Variants in FLT3 observed in about 807,000 individuals in gnomAD.
FLT3 encodes receptor-type tyrosine-protein kinase FLT3.
In FLT3, 46 loss-of-function variants were observed where a neutral mutation model predicts 126.6. The ratio of observed to expected loss-of-function variants is 0.36; its 90% CI spans 0.29 to 0.46. The LOEUF (loss-of-function observed/expected upper bound fraction) is 0.46. FLT3 is among the 20% of genes least tolerant of loss of function. The pLI, the probability that FLT3 is intolerant of heterozygous loss-of-function variation, is 1.00. For missense variants in FLT3, 1,069 were observed against 1,190.3 expected (o/e 0.90, Z 1.50); for synonymous variants, 404 against 434.4 (o/e 0.93, Z 0.87).
At position 28,034,418 on chromosome 13, in the gene FLT3, A is replaced by C; in HGVS notation, c.1598-11T>G. ...TGAAAGGGAAGGGGCCTGCAACAAAAGAGTGTCACTCAGCGATGAAACAGA... is the reference window on the plus strand; with the variant it reads ...TGAAAGGGAAGGGGCCTGCAACAAACGAGTGTCACTCAGCGATGAAACAGA... On this transcript the variant is annotated splice_polypyrimidine_tract_variant and intron_variant, in intron 12 of 23. Transcript: ENST00000241453. The C allele has an allele frequency of 6.3e-7, 1 of 1,577,852 alleles. No individual in the cohort carries two copies. Among genetic ancestry groups the C allele is most frequent in the Non-Finnish European group, 8.7e-7 (1 of 1,147,432 alleles).
intron 1 of FLT3, among the ~76,000 whole-genome samples, chr13:28,082,301 C>T (rs11840250): frequency 6.6e-6 from 1 of 151,880 alleles, no homozygotes. Context: ...CATGCACATA[C>T]CACCACACTC....
intron 22 of FLT3, among the ~76,000 whole-genome samples, chr13:28,014,830 G>A (rs1233774801): frequency 6.6e-6 from 1 of 152,170 alleles, no homozygotes; most frequent in Non-Finnish European, 1.5e-5. Flanking sequence ...GGAAGCAGGT[G>A]CCTCTGAGGA....
chr13:28,022,787 C>T (rs1275245125), intron 19 of FLT3, among the ~76,000 whole-genome samples: 1 of 152,112 alleles, frequency 6.6e-6, no homozygotes, highest in African/African-American at 2.4e-5. Context: ...GGTGGAAAGG[C>T]AGTTCAAAAA....
In FLT3 at chr13:28,048,261, C is replaced by T; in HGVS notation, c.1205+14G>A. 1 of 1,604,320 alleles carries T rather than the reference C, an allele frequency of 6.2e-7. No homozygotes were observed. Among genetic ancestry groups the T allele is most frequent in the South Asian group, 1.1e-5 (1 of 89,172 alleles). ...ATGCTAAAAATGGTATCTTAGAGTC[C>T]TTTGTGGTCTCACCTGTATCCGTTA... On this transcript the variant is annotated intron_variant, in intron 9 of 23. Transcript: ENST00000241453.
chr13:28,007,531 G>A (rs1566051895), intron 23 of FLT3, among the ~76,000 whole-genome samples: 1 of 152,290 alleles, frequency 6.6e-6, no homozygotes, highest in East Asian at 1.9e-4. Flanking sequence ...ACAGGCGTGA[G>A]CCACCACACC....
At chr13:28,026,953 T>A in intron 17 of FLT3, 135 bp downstream of exon 17, 1 of 725,072 alleles carries the variant, frequency 1.4e-6, no homozygotes. Context: ...TAGCAAAGAT[T>A]CAGGAAATCT....
chr13:28,036,440 G>A (rs1364791559), intron 10 of FLT3, among the ~76,000 whole-genome samples: 2 of 152,138 alleles, frequency 1.3e-5, no homozygotes, highest in African/African-American at 2.4e-5. Flanking sequence ...GAGAGCTGAG[G>A]TACAGACCTC....
intron 9 of FLT3, among the ~76,000 whole-genome samples, chr13:28,041,906 A>C (rs2137702127): frequency 6.6e-6 from 1 of 152,252 alleles, no homozygotes; most frequent in Middle Eastern, 3.4e-3. Context: ...CAATCCCAAC[A>C]CTTTGGGAGG....
At chr13:28,072,862 G>A (rs1452083142) in intron 1 of FLT3, among the ~76,000 whole-genome samples, 7 of 152,080 alleles carry the variant, frequency 4.6e-5, no homozygotes, top group Non-Finnish European at 8.8e-5. Flanking sequence ...AAAATTAGCC[G>A]GGCGTGGTGG....
At position 28,049,436 on chromosome 13, in the gene FLT3, G is replaced by A. The variant is rs1194306683; in HGVS notation, c.984C>T (p.Tyr328=). ...SSVARNDTGY[Y]TCSSSKHPSQ... is the part of the protein sequence containing the mutation. Reference sequence around the variant, plus strand: ...TGGGATGCTTTGAAGAGGAACAAGTGTAGTATCCGGTGTCGTTTCTTGCCA... The same window carrying A: ...TGGGATGCTTTGAAGAGGAACAAGTATAGTATCCGGTGTCGTTTCTTGCCA... Residue 328 remains tyrosine (Y), a synonymous_variant, in exon 8 of 24, where the codon TAC becomes TAT. Transcript: ENST00000241453. The A allele has an allele frequency of 6.2e-7, 1 of 1,613,972 alleles. No individual in the cohort carries two copies. Among genetic ancestry groups the A allele is most frequent in the African/African-American group, 1.3e-5 (1 of 74,936 alleles).
chr13:28,031,266 A>C (rs1873315903), intron 15 of FLT3, among the ~76,000 whole-genome samples: 1 of 152,120 alleles, frequency 6.6e-6, no homozygotes. Flanking sequence ...AAAGGAGTGC[A>C]GGGGTACTGT....
chr13:28,034,464 A>T, intron 12 of FLT3, 57 bp from the exon 13 acceptor site: 1 of 1,220,064 alleles, frequency 8.2e-7, no homozygotes, highest in Non-Finnish European at 1.2e-6. Flanking sequence ...GACATTATAA[A>T]TAGTGGACAA....
rs960965456 is a variant in FLT3, at chr13:28,035,814, A to G, written c.1418+121T>C. On this transcript the variant is annotated intron_variant, in intron 11 of 23. Coordinates refer to ENST00000241453, the MANE Select transcript of FLT3 (RefSeq NM_004119.3). ...CTATGACTATTGAGAGTTATGGTTG[A>G]TTGAGAAGGTTAGCATTTTAAATAT... 1.2e-5 allele frequency: 14 copies of G among 1,205,536 alleles called. No homozygotes were observed. In the African/African-American group the frequency reaches 1.8e-4, roughly 15 times the overall value. 74.7% of individuals were successfully genotyped at this position (1,205,536 alleles called of 1,614,324 possible).
At chr13:28,084,747 G>A (rs1163658226) in intron 1 of FLT3, among the ~76,000 whole-genome samples, 1 of 152,004 alleles carries the variant, frequency 6.6e-6, no homozygotes. Flanking sequence ...AGGCCGAGGA[G>A]GGCGGATCAC....
At chr13:28,056,561 G>C (rs1377697792) in intron 4 of FLT3, among the ~76,000 whole-genome samples, 1 of 152,202 alleles carries the variant, frequency 6.6e-6, no homozygotes, top group Non-Finnish European at 1.5e-5. Context: ...CACGGAGTCT[G>C]TGCATGATGG....
Position 28,073,352 on chromosome 13 carries a change from G to GA in FLT3, c.44-2741dup, listed in dbSNP as rs35318238. On this transcript the variant is annotated intron_variant, in intron 1 of 23. Coordinates refer to ENST00000241453, the MANE Select transcript of FLT3 (RefSeq NM_004119.3). The stretch of plus-strand genomic sequence containing the variant: ...GTGACACAGTGAGACCTCATCTCTG[G>GA]AAAAAAAAAAAAAAAAAGCATTTTT... The GA allele has an allele frequency of 7.6e-3, 2,268 of 297,870 alleles. 14 individuals are homozygous for GA. The highest frequency in any genetic ancestry group is 0.037 in the African/African-American group (1,371 of 37,412). 18.5% of individuals were successfully genotyped at this position (297,870 alleles called of 1,614,324 possible). A position where few individuals can be genotyped will look rare whatever the true frequency, so the allele number is the denominator to read the frequency against.
chr13:28,010,376 A>G (rs1871252968), intron 23 of FLT3, among the ~76,000 whole-genome samples: 2 of 152,200 alleles, frequency 1.3e-5, no homozygotes, highest in African/African-American at 4.8e-5. Flanking sequence ...CTAGGATTTG[A>G]GTCTCACATG....
Position 28,034,311 on chromosome 13 carries a change from T to G in FLT3, c.1694A>C (p.Lys565Thr), listed in dbSNP as rs753639225. ...TACCTTTGCTTTTACCTTTTTGTACTTGTGACAAATTAGCAGGGTTAAAAC... is the reference window on the plus strand; with the variant it reads ...TACCTTTGCTTTTACCTTTTTGTACGTGTGACAAATTAGCAGGGTTAAAAC... ...IVVLTLLICH[K>T]YKKQFRYESQ... is the part of the protein sequence containing the mutation. Residue 565 changes from lysine to threonine, a missense_variant, in exon 13 of 24, where the codon AAG becomes ACG. Transcript: ENST00000241453. 1.3e-5 allele frequency: 21 copies of G among 1,613,440 alleles called. No homozygotes were observed. The highest frequency in any genetic ancestry group is 1.8e-5 in the Non-Finnish European group (21 of 1,179,482).
intron 9 of FLT3, among the ~76,000 whole-genome samples, chr13:28,039,762 C>T (rs913906979): frequency 3.9e-5 from 6 of 152,088 alleles, no homozygotes; most frequent in African/African-American, 1.4e-4. Context: ...TGGCCAGACT[C>T]GTCTTGAATT....
Sources: gnomAD v4.1 joint callset for allele counts (sites outside exome capture counted in the v4.1 genomes callset) on GRCh38, gnomAD v4.1.1 for gene constraint, MANE v1.5 for transcripts, NCBI Gene and HGNC (gene_info 2026-07-23, HGNC 2026-07-21) for gene names.